Variants in NR3C2 observed in about 807,000 individuals in gnomAD.
NR3C2 encodes mineralocorticoid receptor.
In NR3C2, 15 loss-of-function variants were observed where a neutral mutation model predicts 86.4. That is an observed-to-expected ratio of 0.17 (90% CI 0.12 to 0.27). The LOEUF (loss-of-function observed/expected upper bound fraction) is 0.27. Ranked by LOEUF, NR3C2 falls within the 10% of genes least tolerant of loss-of-function variation. NR3C2 has a pLI of 1.00. For missense variants in NR3C2, 960 were observed against 1,195.6 expected, an observed-to-expected ratio of 0.80 and a Z score of 2.91; for synonymous variants, 458 against 450.5, an observed-to-expected ratio of 1.02 and a Z score of -0.21.
chr4:148,208,302 C>T (rs1737108604), intron 3 of NR3C2: 1 of 152,230 alleles, frequency 6.6e-6, no homozygotes, highest in South Asian at 2.1e-4. Flanking sequence ...ATGGTACCTC[C>T]TTGCAGGACT....
intron 4 of NR3C2, among the ~76,000 whole-genome samples, chr4:148,182,075 A>G (rs1361082568): frequency 6.6e-6 from 1 of 152,250 alleles, no homozygotes; most frequent in African/African-American, 2.4e-5. Context: ...TGCTAAAAGA[A>G]AAGGTCTTCC....
chr4:148,362,186 G>A lies in NR3C2; in HGVS notation c.1757+72918C>T, dbSNP rs79259001. 6.2e-3 allele frequency among the ~76,000 whole-genome samples: 945 copies of A among 152,254 alleles called. 11 individuals carry two copies. The highest frequency in any genetic ancestry group is 0.039 in the South Asian group (186 of 4,824). ...TCCTGGAAAATTCAAGACATGTGGC[G>A]TATCCCAAGATTTCAGGCTGTTTGC... On this transcript the variant is annotated intron_variant, in intron 2 of 8. Coordinates refer to ENST00000358102, the MANE Select transcript of NR3C2 (RefSeq NM_000901.5).
chr4:148,152,696 A>G, intron 5 of NR3C2, 83 bp from the exon 6 acceptor site: 2 of 1,332,610 alleles, frequency 1.5e-6, no homozygotes. Context: ...TCAACCCCAA[A>G]CAGCCACCTT....
chr4:148,421,287 C>T (rs933138478), intron 2 of NR3C2, among the ~76,000 whole-genome samples: 3 of 152,176 alleles, frequency 2.0e-5, no homozygotes, highest in Non-Finnish European at 4.4e-5. Context: ...CTTCAGAACT[C>T]TTTTTGGATT....
chr4:148,194,780 A>G lies in NR3C2; in HGVS notation c.1980T>C (p.Leu660=). 1 of 1,612,088 alleles carries G rather than the reference A, an allele frequency of 6.2e-7. No homozygotes were observed. Among genetic ancestry groups the G allele is most frequent in the East Asian group, 2.2e-5 (1 of 44,824 alleles). The change falls in exon 4 of 9, where the codon CTT becomes CTC. Residue 660 remains leucine (L), a synonymous_variant. Transcript: ENST00000358102. ...TCATTCCAGCTTGAAGACATTTCTG[A>G]AGTCTGCAAGCAGGACAATTCTTTC... The part of the protein sequence containing the change: ...IRRKNCPACR[L]QKCLQAGMNL...
Position 148,226,592 on chromosome 4 carries a change from C to T in NR3C2, c.1898-31730G>A, listed in dbSNP as rs146489793. 3.3e-3 allele frequency among the ~76,000 whole-genome samples: 504 copies of T among 152,186 alleles called. 1 individual carries two copies. Among genetic ancestry groups the T allele is most frequent in the African/African-American group, 0.012 (481 of 41,502 alleles). On this transcript the variant is annotated intron_variant, in intron 3 of 8. Coordinates refer to ENST00000358102, the MANE Select transcript of NR3C2 (RefSeq NM_000901.5). ...ATACCTGGGAGTGGAATTCCTGGGT[C>T]ATAGCAATAGGTATGTACTAGGTAG...
intron 2 of NR3C2, among the ~76,000 whole-genome samples, chr4:148,362,586 T>C (rs1745894386): frequency 6.6e-6 from 1 of 152,222 alleles, no homozygotes; most frequent in Non-Finnish European, 1.5e-5. Context: ...ACTCCCGCTT[T>C]CATCTGCTCA....
chr4:148,261,824 A>G (rs538166271), intron 2 of NR3C2, among the ~76,000 whole-genome samples: 2 of 152,356 alleles, frequency 1.3e-5, no homozygotes, highest in African/African-American at 4.8e-5. Flanking sequence ...TAATGCGTTA[A>G]TATTTGTTTA....
intron 2 of NR3C2, among the ~76,000 whole-genome samples, chr4:148,405,359 C>T (rs1748367097): frequency 6.6e-6 from 1 of 152,188 alleles, no homozygotes; most frequent in Admixed American, 6.5e-5. Flanking sequence ...CTCACACATT[C>T]CCAAGCTGGG....
chr4:148,139,538 A>G (rs1733513146), intron 6 of NR3C2, among the ~76,000 whole-genome samples: 1 of 152,164 alleles, frequency 6.6e-6, no homozygotes, highest in Non-Finnish European at 1.5e-5. Flanking sequence ...GGGAAGTTCT[A>G]AACTGCTAAT....
intron 1 of NR3C2, 45 bp from the exon 2 acceptor site, chr4:148,436,907 A>C (rs1440833507): frequency 1.6e-5 from 23 of 1,433,754 alleles, no homozygotes; most frequent in South Asian, 1.1e-4. Flanking sequence ...AGTTATAGCA[A>C]TATTACTCTA....
At chr4:148,372,601 T>A (rs1166897909) in intron 2 of NR3C2, among the ~76,000 whole-genome samples, 1 of 152,212 alleles carries the variant, frequency 6.6e-6, no homozygotes, top group Non-Finnish European at 1.5e-5. Context: ...CAACTTTATT[T>A]TAAATAATAC....
chr4:148,303,436 G>C (rs1022168158), intron 2 of NR3C2, among the ~76,000 whole-genome samples: 1 of 152,112 alleles, frequency 6.6e-6, no homozygotes, highest in African/African-American at 2.4e-5. Context: ...GGGAAAGTAA[G>C]ACCAAGAGGG....
chr4:148,116,763 AAATT>A (rs1185014273), intron 7 of NR3C2, among the ~76,000 whole-genome samples: 1 of 152,234 alleles, frequency 6.6e-6, no homozygotes, highest in African/African-American at 2.4e-5. Context: ...GGGGGCTAAT[AAATT>A]AATTCAAGTA....
chr4:148,193,971 A>G (rs529647203), intron 4 of NR3C2, among the ~76,000 whole-genome samples: 1 of 152,150 alleles, frequency 6.6e-6, no homozygotes, highest in Non-Finnish European at 1.5e-5. Context: ...CAAAATTCCT[A>G]TATTATTTGG....
intron 6 of NR3C2, among the ~76,000 whole-genome samples, chr4:148,120,529 A>C (rs1050128588): frequency 6.6e-6 from 1 of 152,182 alleles, no homozygotes; most frequent in South Asian, 2.1e-4. Context: ...GAGCACTGAA[A>C]CCAACCCTTT....
At chr4:148,281,129 C>T (rs895895023) in intron 2 of NR3C2, among the ~76,000 whole-genome samples, 21 of 152,200 alleles carry the variant, frequency 1.4e-4, no homozygotes, top group African/African-American at 4.3e-4. Flanking sequence ...TTCACAAGGA[C>T]CCCTCTCTGC....
intron 8 of NR3C2, among the ~76,000 whole-genome samples, chr4:148,102,167 T>G (rs981925215): frequency 6.6e-6 from 1 of 152,136 alleles, no homozygotes; most frequent in Non-Finnish European, 1.5e-5. Context: ...CAGCAGCGCT[T>G]TCCCAGACTT....
chr4:148,407,247 T>C (rs1211287650), intron 2 of NR3C2, among the ~76,000 whole-genome samples: 2 of 152,188 alleles, frequency 1.3e-5, no homozygotes, highest in East Asian at 3.8e-4. Context: ...CACAGATTGT[T>C]AGGAAGATGG....
Sources: gnomAD v4.1 joint callset for allele counts (sites outside exome capture counted in the v4.1 genomes callset) on GRCh38, gnomAD v4.1.1 for gene constraint, MANE v1.5 for transcripts, NCBI Gene and HGNC (gene_info 2026-07-23, HGNC 2026-07-21) for gene names.